The following APBB3 variants were observed in gnomAD, a reference collection of about 807,000 sequenced individuals.
APBB3 encodes amyloid-beta A4 precursor protein-binding family B member 3.
A neutral mutation model predicts 61.5 loss-of-function variants in APBB3; 50 were observed. That is an observed-to-expected ratio of 0.81 (90% CI 0.65 to 1.03). APBB3 has a LOEUF of 1.03. APBB3 is among the 50% of genes least tolerant of loss of function. The pLI is 0.00. For missense variants in APBB3, 550 were observed against 637.4 expected, an observed-to-expected ratio of 0.86 and a Z score of 1.48; for synonymous variants, 235 against 233.0, an observed-to-expected ratio of 1.01 and a Z score of -0.08.
At position 140,560,299 on chromosome 5, in the gene APBB3, C is replaced by T. The variant is rs1394265370; in HGVS notation, c.1224+14G>A. The T allele has an allele frequency of 1.1e-5, 17 of 1,609,464 alleles. No individual in the cohort carries two copies. Among genetic ancestry groups the T allele is most frequent in the Non-Finnish European group, 1.4e-5 (17 of 1,176,420 alleles). On this transcript the variant is annotated intron_variant, in intron 12 of 12. Transcript: ENST00000357560. The surrounding 1 kb of genome is among the most constrained non-coding windows in gnomAD (Gnocchi z 5.1). Reference sequence around the variant, plus strand: ...CAGGGCAATCCCACCAACCCATTCCCACCCATGACTCACCATACAGGCAGC... The same window carrying T: ...CAGGGCAATCCCACCAACCCATTCCTACCCATGACTCACCATACAGGCAGC...
Position 140,564,375 on chromosome 5 carries a change from TA to T in APBB3, c.-131del. 1.9e-6 allele frequency: 2 copies of T among 1,039,500 alleles called. No homozygotes were observed. Among genetic ancestry groups the T allele is most frequent in the Non-Finnish European group, 2.8e-6 (2 of 708,234 alleles). 64.4% of individuals were successfully genotyped at this position (1,039,500 alleles called of 1,614,324 possible). A position where few individuals can be genotyped will look rare whatever the true frequency, so the allele number is the denominator to read the frequency against. ...GCGGGGCCAGCTGGCGCCGCACAAA[TA>T]CGGGGCGGGACACGGGGCGGGACAC... On this transcript the variant is annotated 5_prime_UTR_variant, in exon 1 of 13. Transcript: ENST00000357560. The surrounding 1 kb of genome is among the most constrained non-coding windows in gnomAD (Gnocchi z 5.0).
rs761920886 is a variant in APBB3 at position 140,562,645 on chromosome 5, T to A, written c.351+18A>T. The A allele has an allele frequency of 6.2e-7, 1 of 1,614,088 alleles. No homozygotes were observed. The highest frequency in any genetic ancestry group is 1.7e-5 in the Admixed American group (1 of 60,022). On this transcript the variant is annotated intron_variant, in intron 4 of 12. Transcript: ENST00000357560. ...TTTCCCTTGGGACCTCCCAATGCCC[T>A]CAGGCCCAAGTCACTACCTTAGCCC...
chr5:140,563,940 G>A, intron 1 of APBB3, 25 bp from the exon 2 acceptor site: 1 of 1,609,438 alleles, frequency 6.2e-7, no homozygotes, highest in Admixed American at 1.7e-5. Flanking sequence ...GATTAGAGAG[G>A]AGGGAGCATA....
At position 140,558,318 on chromosome 5, in the gene APBB3, C is replaced by T; in HGVS notation, c.*267G>A. On this transcript the variant is annotated 3_prime_UTR_variant, in exon 13 of 13. Transcript: ENST00000357560. ...GCACTGATTTTGCTATAAAGTGTTACTGAGGTAGAGCCAACTGTCCAGGGT... is the reference window on the plus strand; with the variant it reads ...GCACTGATTTTGCTATAAAGTGTTATTGAGGTAGAGCCAACTGTCCAGGGT... 1.9e-6 allele frequency: 1 copy of T among 540,140 alleles called. No individual in the cohort carries two copies. The highest frequency in any genetic ancestry group is 3.4e-5 in the East Asian group (1 of 29,176). 33.5% of individuals were successfully genotyped at this position (540,140 alleles called of 1,614,324 possible).
In APBB3 at chr5:140,560,294, A is replaced by G. The variant is rs772913731; in HGVS notation, c.1224+19T>C. ...AGCTGCAGGGCAATCCCACCAACCC[A>G]TTCCCACCCATGACTCACCATACAG... On this transcript the variant is annotated intron_variant, in intron 12 of 12. Transcript: ENST00000357560. This position sits in a 1 kb window ranked among gnomAD's most constrained non-coding sequence, Gnocchi z 5.1. The G allele has an allele frequency of 3.1e-6, 5 of 1,600,818 alleles. No individual in the cohort carries two copies. In the Admixed American group the frequency reaches 5.0e-5, roughly 16 times the overall value.
Position 140,564,476 on chromosome 5 carries a change from C to T in APBB3, c.-231G>A. On this transcript the variant is annotated 5_prime_UTR_variant, in exon 1 of 13. Coordinates refer to ENST00000357560, the MANE Select transcript of APBB3 (RefSeq NM_133173.3). This position sits in a 1 kb window ranked among gnomAD's most constrained non-coding sequence, Gnocchi z 5.0. ...TGCGTGTAAACGGGCGTCTGGATCC[C>T]CGAATGGTTGCGTGTTTCCGTGTGT... 2 of 582,672 alleles carry T rather than the reference C, an allele frequency of 3.4e-6. No individual in the cohort carries two copies. Among genetic ancestry groups the T allele is most frequent in the Non-Finnish European group, 6.0e-6 (2 of 331,076 alleles). 36.1% of individuals were successfully genotyped at this position (582,672 alleles called of 1,614,324 possible).
Position 140,563,659 on chromosome 5 carries a change from C to T in APBB3, c.225G>A (p.Gly75=), listed in dbSNP as rs1231002880. 6.2e-7 allele frequency: 1 copy of T among 1,614,068 alleles called. No homozygotes were observed. The highest frequency in any genetic ancestry group is 1.3e-5 in the African/African-American group (1 of 74,926). The change falls in exon 3 of 13, where the codon GGG becomes GGA. Residue 75 remains glycine (G), a synonymous_variant. Transcript: ENST00000357560. ...DAEDPGTGTE[G]IWGLRPPKGR... ...CTTTGGGGGGCCGCAGTCCCCAGAT[C>T]CCCTCCGTTCCCTGTAGAGTGGGAG...
In APBB3 at chr5:140,560,243, C is replaced by T. The variant is rs962952104; in HGVS notation, c.1224+70G>A. The T allele has an allele frequency of 1.3e-5, 20 of 1,531,424 alleles. No individual in the cohort carries two copies. In the East Asian group the frequency reaches 3.2e-4, roughly 25 times the overall value. The allele number at this position is 1,531,424 out of a possible 1,614,324, so 94.9% of individuals were successfully genotyped here. Reference sequence around the variant, plus strand: ...GTGATCTCTGAAGAGGCTGCCGACCCGGAGCCCAAGTAAACAGTGGAGAGC... The same window carrying T: ...GTGATCTCTGAAGAGGCTGCCGACCTGGAGCCCAAGTAAACAGTGGAGAGC... On this transcript the variant is annotated intron_variant, in intron 12 of 12. Transcript: ENST00000357560. This position sits in a 1 kb window ranked among gnomAD's most constrained non-coding sequence, Gnocchi z 5.1.
At position 140,563,898 on chromosome 5, in the gene APBB3, G is replaced by A. The variant is rs1755089036; in HGVS notation, c.67C>T (p.His23Tyr). The change falls in exon 2 of 13, where the codon CAC becomes TAC. Residue 23 changes from histidine (H) to tyrosine (Y), a missense_variant. By Grantham distance (83) the His-to-Tyr change is moderately conservative. Transcript: ENST00000357560. The stretch of plus-strand genomic sequence containing the variant: ...AGGCCAGCCTCCACCTCCAGACTGT[G>A]GTCCCCCCACAAGTCATCTACAGGA... Reference protein sequence around the residue: ...VNCDDDLWGDHSLEVEAGLPP... With the variant: ...VNCDDDLWGDYSLEVEAGLPP... 3.7e-6 allele frequency: 6 copies of A among 1,613,842 alleles called. No individual in the cohort carries two copies. In the East Asian group the frequency reaches 1.3e-4, roughly 36 times the overall value.
chr5:140,564,350 G>C lies in APBB3; in HGVS notation c.-105C>G. ...GCCCAGCCTCTCTGCGCCGCAGGCTGCGGGGCCAGCTGGCGCCGCACAAAT... is the reference window on the plus strand; with the variant it reads ...GCCCAGCCTCTCTGCGCCGCAGGCTCCGGGGCCAGCTGGCGCCGCACAAAT... On this transcript the variant is annotated 5_prime_UTR_variant, in exon 1 of 13. Coordinates refer to ENST00000357560, the MANE Select transcript of APBB3 (RefSeq NM_133173.3). This position sits in a 1 kb window ranked among gnomAD's most constrained non-coding sequence, Gnocchi z 5.0. 2.1e-6 allele frequency: 3 copies of C among 1,418,174 alleles called. No individual in the cohort carries two copies. Among genetic ancestry groups the C allele is most frequent in the South Asian group, 2.4e-5 (2 of 84,232 alleles). 87.8% of individuals were successfully genotyped at this position (1,418,174 alleles called of 1,614,324 possible).
rs17118922 is a variant in APBB3, at chr5:140,562,656, T to A, written c.351+7A>T. 5,165 of 1,614,120 alleles carry A rather than the reference T, an allele frequency of 3.2e-3. 145 individuals are homozygous for A. In the African/African-American group the frequency reaches 0.058, roughly 18 times the overall value. Reference sequence around the variant, plus strand: ...ACCTCCCAATGCCCTCAGGCCCAAGTCACTACCTTAGCCCCTGGCTCCATG... The same window carrying A: ...ACCTCCCAATGCCCTCAGGCCCAAGACACTACCTTAGCCCCTGGCTCCATG... On this transcript the variant is annotated splice_region_variant and intron_variant, in intron 4 of 12. Transcript: ENST00000357560.
Position 140,561,381 on chromosome 5 carries a change from T to C in APBB3, c.816A>G (p.Glu272=), listed in dbSNP as rs1483242323. 1.9e-6 allele frequency: 3 copies of C among 1,614,180 alleles called. No individual in the cohort carries two copies. The highest frequency in any genetic ancestry group is 1.7e-6 in the Non-Finnish European group (2 of 1,180,024). ...SCCSPDPISP[E]DLPRQVELLD... ...TCCCCATACCTTGCCGTGGCAGGTC[T>C]TCAGGAGAGATGGGGTCTGGGGAGC... Residue 272 remains glutamate, a synonymous_variant, in exon 9 of 13, where the codon GAA becomes GAG. Transcript: ENST00000357560.
intron 3 of APBB3, 66 bp downstream of exon 3, chr5:140,563,528 G>C: frequency 4.4e-6 from 7 of 1,583,938 alleles, no homozygotes; most frequent in Non-Finnish European, 6.1e-6. Context: ...GCAGACCATG[G>C]GTCCAGCTGC....
chr5:140,562,788 G>A (rs1755022025), intron 3 of APBB3, 65 bp from the exon 4 acceptor site: 1 of 1,532,530 alleles, frequency 6.5e-7, no homozygotes, highest in African/African-American at 1.4e-5. Flanking sequence ...GTGAGGCCTA[G>A]ACAACTTGAT....
In APBB3 at chr5:140,561,510, C is replaced by CA. The variant is rs1754952994; in HGVS notation, c.748-62dup. ...GAGAGGGGAATTAGGGTAAAAGGGC[C>CA]AATACCACCCCAACTACCTTGGAAG... On this transcript the variant is annotated intron_variant, in intron 8 of 12. Coordinates refer to ENST00000357560, the MANE Select transcript of APBB3 (RefSeq NM_133173.3). The CA allele has an allele frequency of 5.0e-6, 8 of 1,613,376 alleles. No homozygotes were observed. In the East Asian group the frequency reaches 1.8e-4, roughly 36 times the overall value.
At chr5:140,559,116 G>A (rs2127126548) in intron 12 of APBB3, among the ~76,000 whole-genome samples, 1 of 152,282 alleles carries the variant, frequency 6.6e-6, no homozygotes. Flanking sequence ...GAGAGTATAT[G>A]ACTTGCCCAA....
chr5:140,563,812 G>A lies in APBB3; in HGVS notation c.153C>T (p.Ser51=). Reference sequence around the variant, plus strand: ...TTGGGCGCTGCCACTGGGTGCTACCGCTGGGTACATGCCAGTAGTAAGTAC... The same window carrying A: ...TTGGGCGCTGCCACTGGGTGCTACCACTGGGTACATGCCAGTAGTAAGTAC... ...AAGTYYWHVP[S]GSTQWQRPTW... Residue 51 remains serine, a synonymous_variant, in exon 2 of 13, where the codon AGC becomes AGT. Coordinates refer to ENST00000357560, the MANE Select transcript of APBB3 (RefSeq NM_133173.3). 8.1e-6 allele frequency: 13 copies of A among 1,614,120 alleles called. No homozygotes were observed. Among genetic ancestry groups the A allele is most frequent in the Non-Finnish European group, 9.3e-6 (11 of 1,180,024 alleles).
Position 140,558,424 on chromosome 5 carries a change from C to G in APBB3, c.*161G>C, listed in dbSNP as rs762821343. 1.2e-6 allele frequency: 1 copy of G among 806,076 alleles called. No individual in the cohort carries two copies. Among genetic ancestry groups the G allele is most frequent in the African/African-American group, 1.7e-5 (1 of 57,980 alleles). The allele number at this position is 806,076 out of a possible 1,614,324, so 49.9% of individuals were successfully genotyped here. On this transcript the variant is annotated 3_prime_UTR_variant, in exon 13 of 13. Coordinates refer to ENST00000357560, the MANE Select transcript of APBB3 (RefSeq NM_133173.3). ...TGTGGTGCAGTGCCTCCCAGTCATC[C>G]GTATAAACAATAAATTGGGCAATAA...
chr5:140,560,822 T>C lies in APBB3; in HGVS notation c.917-68A>G. On this transcript the variant is annotated intron_variant, in intron 10 of 12. Coordinates refer to ENST00000357560, the MANE Select transcript of APBB3 (RefSeq NM_133173.3). The surrounding 1 kb of genome is among the most constrained non-coding windows in gnomAD (Gnocchi z 5.1). ...AGTCTGCAGGGAGTGTCTAGCCCCC[T>C]CTCACTGATTTGGGATTCAGAGATA... 6.7e-7 allele frequency: 1 copy of C among 1,484,570 alleles called. No homozygotes were observed. The highest frequency in any genetic ancestry group is 1.7e-5 in the Admixed American group (1 of 58,778). 92.0% of individuals were successfully genotyped at this position (1,484,570 alleles called of 1,614,324 possible). A position where few individuals can be genotyped will look rare whatever the true frequency, so the allele number is the denominator to read the frequency against.
Sources: allele counts gnomAD v4.1 joint callset (sites outside exome capture counted in the v4.1 genomes callset), GRCh38; gene constraint gnomAD v4.1.1; non-coding constraint Gnocchi (gnomAD v3.1); transcripts MANE v1.5; gene names NCBI Gene and HGNC (gene_info 2026-07-23, HGNC 2026-07-21).